P2RX7: variants seen among roughly 807,000 people sequenced by gnomAD.
P2RX7 encodes the protein P2X purinoceptor 7.
A neutral mutation model predicts 71.6 loss-of-function variants in P2RX7; 62 were observed. The observed-to-expected ratio is 0.87, with a 90% CI of 0.71 to 1.07. The LOEUF is 1.07. P2RX7 is among the 50% of genes least tolerant of loss of function. P2RX7 has a pLI of 0.00. For missense variants in P2RX7, 686 were observed against 748.5 expected (o/e 0.92, Z 0.97); for synonymous variants, 299 against 283.3 (o/e 1.06, Z -0.56).
intron 1 of P2RX7, chr12:121,148,889 G>C (rs1265817404): frequency 2.0e-5 from 7 of 344,508 alleles, no homozygotes; most frequent in South Asian, 9.5e-5. Flanking sequence ...TGGCGCTACT[G>C]TTCTTTAGGG....
intron 3 of P2RX7, among the ~76,000 whole-genome samples, chr12:121,159,373 C>T (rs1436859067): frequency 2.1e-5 from 3 of 142,168 alleles, no homozygotes; most frequent in Non-Finnish European, 4.5e-5. Flanking sequence ...GCCAAGATCA[C>T]ACCATTGCAC....
intron 1 of P2RX7, among the ~76,000 whole-genome samples, chr12:121,145,860 T>TG (rs755497137): frequency 1.6e-4 from 24 of 151,940 alleles, no homozygotes; most frequent in Admixed American, 4.6e-4. Flanking sequence ...CATGGAGTGG[T>TG]GGTAGGATGG....
intron 6 of P2RX7, 78 bp downstream of exon 6, chr12:121,165,515 A>G: frequency 1.8e-6 from 2 of 1,136,966 alleles, no homozygotes; most frequent in Non-Finnish European, 2.6e-6. Flanking sequence ...GAAGCCTGAA[A>G]CAACAAACGC....
chr12:121,157,265 C>A (rs541352088), intron 3 of P2RX7, among the ~76,000 whole-genome samples: 14 of 152,316 alleles, frequency 9.2e-5, no homozygotes, highest in African/African-American at 3.1e-4. Flanking sequence ...GAGTTTTGCT[C>A]ACGGGCCCAC....
chr12:121,177,489 T>G, intron 11 of P2RX7, 43 bp downstream of exon 11: 1 of 1,587,428 alleles, frequency 6.3e-7, no homozygotes, highest in South Asian at 1.1e-5. Flanking sequence ...ATGGAGAGAT[T>G]CCATGAAATC....
rs1883292646 is a variant in P2RX7 at position 121,177,157 on chromosome 12, T to C, written c.983T>C (p.Phe328Ser). 1.2e-6 allele frequency: 2 copies of C among 1,614,138 alleles called. No homozygotes were observed. Among genetic ancestry groups the C allele is most frequent in the Non-Finnish European group, 1.7e-6 (2 of 1,179,980 alleles). The change falls in exon 10 of 13, where the codon TTT becomes TCT. Residue 328 changes from phenylalanine (F) to serine (S), a missense_variant. Transcript: ENST00000328963. ...CCACTCTGTTTTTAGGGAGGAAAAT[T>C]TGACATTATCCAGCTGGTTGTGTAC... ...DILVFGTGGK[F>S]DIIQLVVYIG...
chr12:121,163,357 C>CAT (rs1880210772), intron 5 of P2RX7, among the ~76,000 whole-genome samples: 1 of 79,840 alleles, frequency 1.3e-5, no homozygotes, highest in Non-Finnish European at 2.9e-5. Context: ...CACACACACA[C>CAT]GCACACACAC....
At chr12:121,177,519 T>C (rs1226593150) in intron 11 of P2RX7, 73 bp downstream of exon 11, 4 of 1,448,760 alleles carry the variant, frequency 2.8e-6, no homozygotes, top group Non-Finnish European at 3.9e-6. Context: ...TGCACGAAAA[T>C]TAGGCCCAAA....
At chr12:121,137,851 T>C (rs763601577) in intron 1 of P2RX7, among the ~76,000 whole-genome samples, 2 of 152,180 alleles carry the variant, frequency 1.3e-5, no homozygotes, top group Non-Finnish European at 2.9e-5. Context: ...TGGCCAGCTG[T>C]CCCTACTGGG....
At chr12:121,177,016 C>T (rs1261960516) in intron 9 of P2RX7, 131 bp from the exon 10 acceptor site, 15 of 739,288 alleles carry the variant, frequency 2.0e-5, no homozygotes, top group African/African-American at 5.2e-5. Flanking sequence ...CTGCCTCAGC[C>T]AGCACTTGAA....
rs564098576 is a variant in P2RX7, at chr12:121,145,392, G to T, written c.126-9393G>T. On this transcript the variant is annotated intron_variant, in intron 1 of 12. Coordinates refer to ENST00000328963, the MANE Select transcript of P2RX7 (RefSeq NM_002562.6). ...TGACAACGACATTGTTGTTTACTTGGCAAGAGAGGCTTTAGAGAAGGGATG... is the reference window on the plus strand; with the variant it reads ...TGACAACGACATTGTTGTTTACTTGTCAAGAGAGGCTTTAGAGAAGGGATG... Among the ~76,000 whole-genome samples the T allele has an allele frequency of 2.0e-5, 3 of 152,264 alleles. No homozygotes were observed. In the South Asian group the frequency reaches 6.2e-4, roughly 32 times the overall value.
chr12:121,164,717 G>A (rs1025285738), intron 5 of P2RX7, among the ~76,000 whole-genome samples: 9 of 152,180 alleles, frequency 5.9e-5, no homozygotes, highest in Non-Finnish European at 1.3e-4. Flanking sequence ...GGGAGGTGGA[G>A]GTTGCAGTGA....
At chr12:121,151,660 C>T (rs1294660204) in intron 1 of P2RX7, among the ~76,000 whole-genome samples, 3 of 152,084 alleles carry the variant, frequency 2.0e-5, no homozygotes. Context: ...CCACTGTAAA[C>T]ATGAACAATT....
intron 8 of P2RX7, among the ~76,000 whole-genome samples, chr12:121,171,107 T>C (rs1254459825): frequency 1.3e-5 from 2 of 152,140 alleles, no homozygotes; most frequent in Admixed American, 1.3e-4. Context: ...CTGTGGCTGT[T>C]ATGACTAATT....
At chr12:121,158,085 C>T (rs1391509696) in intron 3 of P2RX7, among the ~76,000 whole-genome samples, 1 of 152,022 alleles carries the variant, frequency 6.6e-6, no homozygotes, top group African/African-American at 2.4e-5. Context: ...GGGCATTTGC[C>T]TCCTCTCTGC....
chr12:121,182,994 G>A (rs907030546), intron 12 of P2RX7, among the ~76,000 whole-genome samples: 7 of 152,118 alleles, frequency 4.6e-5, no homozygotes, highest in African/African-American at 1.7e-4. Flanking sequence ...TGGCCAACAT[G>A]GTGAAACCCC....
intron 12 of P2RX7, among the ~76,000 whole-genome samples, chr12:121,183,411 A>C (rs2136173303): frequency 6.6e-6 from 1 of 150,774 alleles, no homozygotes; most frequent in Non-Finnish European, 1.5e-5. Flanking sequence ...TCTCTACTAA[A>C]AATATAAAAA....
Position 121,155,021 on chromosome 12 carries a change from C to G in P2RX7, c.294+68C>G. The G allele has an allele frequency of 3.1e-6, 5 of 1,592,722 alleles. No individual in the cohort carries two copies. The East Asian group carries it at 6.7e-5, about 21-fold the overall frequency. Reference sequence around the variant, plus strand: ...CGTCGCCAGGGCCTAGCTCCCTTCCCCTAGGATCTACAGCCTCACTCCAGA... The same window carrying G: ...CGTCGCCAGGGCCTAGCTCCCTTCCGCTAGGATCTACAGCCTCACTCCAGA... On this transcript the variant is annotated intron_variant, in intron 2 of 12. Coordinates refer to ENST00000328963, the MANE Select transcript of P2RX7 (RefSeq NM_002562.6).
rs756569286 is a variant in P2RX7 at position 121,167,595 on chromosome 12, C to T, written c.852C>T (p.Asn284=). ...SFRRLDDKTT[N]VSLYPGYNFR... ...GTCGCCTTGACGACAAGACCACCAACGTGTCCTTGTACCCTGGCTACAACT... is the reference window on the plus strand; with the variant it reads ...GTCGCCTTGACGACAAGACCACCAATGTGTCCTTGTACCCTGGCTACAACT... Residue 284 remains asparagine, a synonymous_variant, in exon 8 of 13, where the codon AAC becomes AAT. Transcript: ENST00000328963. The T allele has an allele frequency of 1.9e-6, 3 of 1,608,080 alleles. No homozygotes were observed. Among genetic ancestry groups the T allele is most frequent in the African/African-American group, 1.3e-5 (1 of 74,698 alleles).
Sources: allele counts gnomAD v4.1 joint callset (sites outside exome capture counted in the v4.1 genomes callset), GRCh38; gene constraint gnomAD v4.1.1; transcripts MANE v1.5; gene names NCBI Gene and HGNC (gene_info 2026-07-23, HGNC 2026-07-21).